C12orf50: variants seen among roughly 807,000 people sequenced by gnomAD.
C12orf50 encodes the protein uncharacterized protein C12orf50.
In C12orf50, 35 loss-of-function variants were observed where a neutral mutation model predicts 61.6. That is an observed-to-expected ratio of 0.57 (90% CI 0.43 to 0.75). The LOEUF is 0.75. Ranked by LOEUF, C12orf50 falls within the 30% of genes least tolerant of loss-of-function variation. The pLI is 0.00. For synonymous variants in C12orf50, 178 were observed against 161.5 expected (o/e 1.10, Z -0.77); for missense variants, 475 against 488.5 (o/e 0.97, Z 0.26).
intron 3 of C12orf50, among the ~76,000 whole-genome samples, chr12:88,021,101 C>A (rs1284862927): frequency 6.6e-6 from 1 of 152,106 alleles, no homozygotes; most frequent in Admixed American, 6.5e-5. Flanking sequence ...AAATTAACAA[C>A]TTAACATCAC....
At chr12:88,016,215 A>G (rs1398419307) in intron 3 of C12orf50, among the ~76,000 whole-genome samples, 2 of 152,190 alleles carry the variant, frequency 1.3e-5, no homozygotes, top group Non-Finnish European at 2.9e-5. Flanking sequence ...ACACATTTGT[A>G]CAATGCTCTG....
chr12:88,008,213 T>G (rs1027777094), intron 3 of C12orf50, among the ~76,000 whole-genome samples: 1 of 152,142 alleles, frequency 6.6e-6, no homozygotes, highest in Non-Finnish European at 1.5e-5. Context: ...CTCTCCCTCC[T>G]CCAACCCTCT....
At chr12:88,004,505 C>G (rs2031779179) in intron 3 of C12orf50, among the ~76,000 whole-genome samples, 1 of 152,174 alleles carries the variant, frequency 6.6e-6, no homozygotes, top group Admixed American at 6.5e-5. Flanking sequence ...TCTCAAAGAA[C>G]TTAAAACAGA....
At chr12:88,006,952 AATTAATAC>A (rs1240550254) in intron 3 of C12orf50, among the ~76,000 whole-genome samples, 28 of 152,310 alleles carry the variant, frequency 1.8e-4, no homozygotes, top group Admixed American at 7.2e-4. Flanking sequence ...TATTTTATTG[AATTAATAC>A]GATTTCATTT....
chr12:87,983,273 T>G lies in C12orf50; in HGVS notation c.1127-78A>C, dbSNP rs926332004. ...CAAGGGTGTTTCAAAGTTATAAACATCTCAGGGGTGAAGCTATTCTCTAAG... is the reference window on the plus strand; with the variant it reads ...CAAGGGTGTTTCAAAGTTATAAACAGCTCAGGGGTGAAGCTATTCTCTAAG... On this transcript the variant is annotated intron_variant, in intron 11 of 12. Transcript: ENST00000298699. 5.9e-6 allele frequency: 5 copies of G among 846,306 alleles called. No homozygotes were observed. The African/African-American group carries it at 7.0e-5, about 12-fold the overall frequency. The allele number at this position is 846,306 out of a possible 1,614,324, so 52.4% of individuals were successfully genotyped here.
chr12:88,014,777 C>T (rs184336409), intron 3 of C12orf50, among the ~76,000 whole-genome samples: 4 of 152,168 alleles, frequency 2.6e-5, no homozygotes, highest in African/African-American at 4.8e-5. Flanking sequence ...AAATCAGGCA[C>T]GAAAATTATC....
At chr12:88,005,912 GTTTTT>G (rs371924944) in intron 3 of C12orf50, among the ~76,000 whole-genome samples, 2 of 91,028 alleles carry the variant, frequency 2.2e-5, no homozygotes, top group South Asian at 3.8e-4. Context: ...TGTTTTTTTG[GTTTTT>G]TTTTTTTTTT....
intron 3 of C12orf50, among the ~76,000 whole-genome samples, chr12:88,014,383 G>A (rs1184529953): frequency 6.6e-6 from 1 of 152,048 alleles, no homozygotes; most frequent in Non-Finnish European, 1.5e-5. Context: ...CTCACTGCAA[G>A]CTCTGCCTCC....
intron 3 of C12orf50, among the ~76,000 whole-genome samples, chr12:88,005,463 C>T (rs2031821985): frequency 6.6e-6 from 1 of 152,082 alleles, no homozygotes; most frequent in Non-Finnish European, 1.5e-5. Context: ...GAGATGTTAG[C>T]TTCCATTCAT....
At chr12:87,991,354 G>A (rs777481696) in intron 7 of C12orf50, among the ~76,000 whole-genome samples, 5 of 152,032 alleles carry the variant, frequency 3.3e-5, no homozygotes, top group Admixed American at 2.6e-4. Flanking sequence ...ATATCCAAGC[G>A]TAATCAAACA....
intron 3 of C12orf50, among the ~76,000 whole-genome samples, chr12:88,020,234 CA>C: frequency 1.3e-5 from 2 of 152,256 alleles, no homozygotes; most frequent in Middle Eastern, 6.8e-3. Flanking sequence ...AATTAAAAGG[CA>C]CAGAGTTGCA....
chr12:88,001,566 G>A (rs1251155392), intron 3 of C12orf50, among the ~76,000 whole-genome samples: 1 of 150,166 alleles, frequency 6.7e-6, no homozygotes, highest in African/African-American at 2.4e-5. Context: ...TGACAAATTA[G>A]TACTAATTTT....
chr12:87,983,870 T>C, intron 11 of C12orf50: 1 of 106,442 alleles, frequency 9.4e-6, no homozygotes, highest in Non-Finnish European at 2.4e-5. Context: ...TGTGTCTTTA[T>C]AACAGCATGA....
chr12:88,009,995 G>A (rs2032035910), intron 3 of C12orf50, among the ~76,000 whole-genome samples: 1 of 151,952 alleles, frequency 6.6e-6, no homozygotes. Flanking sequence ...TCTATTGTGT[G>A]AGAGAGAAGT....
intron 7 of C12orf50, among the ~76,000 whole-genome samples, chr12:87,991,482 C>T (rs1016338024): frequency 4.0e-5 from 6 of 151,892 alleles, no homozygotes; most frequent in Non-Finnish European, 7.4e-5. Context: ...GATTAAAGAG[C>T]AGAGAGGAAG....
At chr12:88,025,301 A>G (rs556672241) in intron 3 of C12orf50, among the ~76,000 whole-genome samples, 1 of 152,248 alleles carries the variant, frequency 6.6e-6, no homozygotes, top group South Asian at 2.1e-4. Context: ...GAAGAAGTTA[A>G]GTACCAATGC....
chr12:88,006,107 A>G (rs1470343497), intron 3 of C12orf50, among the ~76,000 whole-genome samples: 1 of 151,790 alleles, frequency 6.6e-6, no homozygotes, highest in Non-Finnish European at 1.5e-5. Context: ...TAGTAGAGAC[A>G]GGGTTTCACC....
chr12:88,019,075 G>A (rs558050491), intron 3 of C12orf50, among the ~76,000 whole-genome samples: 1 of 152,104 alleles, frequency 6.6e-6, no homozygotes, highest in East Asian at 1.9e-4. Context: ...ATTTGGGAGG[G>A]GCCAGGGATG....
chr12:88,016,916 G>A (rs1288341231), intron 3 of C12orf50, among the ~76,000 whole-genome samples: 6 of 152,184 alleles, frequency 3.9e-5, no homozygotes, highest in African/African-American at 1.2e-4. Context: ...GCTTGGGAAG[G>A]CTGACTACAT....
Sources: gnomAD v4.1 joint callset for allele counts (sites outside exome capture counted in the v4.1 genomes callset) on GRCh38, gnomAD v4.1.1 for gene constraint, MANE v1.5 for transcripts, NCBI Gene and HGNC (gene_info 2026-07-23, HGNC 2026-07-21) for gene names.